CAMK1D: variants seen among roughly 807,000 people sequenced by gnomAD.
CAMK1D encodes calcium/calmodulin dependent protein kinase ID.
A neutral mutation model predicts 47.7 loss-of-function variants in CAMK1D; 9 were observed. That is an observed-to-expected ratio of 0.19 (90% confidence interval 0.11 to 0.33). The LOEUF is 0.33. CAMK1D is among the 10% of genes least tolerant of loss of function. The pLI, the probability that CAMK1D is intolerant of heterozygous loss-of-function variation, is 1.00. For missense variants in CAMK1D, 291 were observed against 488.7 expected (o/e 0.60, Z 3.81); for synonymous variants, 184 against 184.9 (o/e 0.99, Z 0.04).
chr10:12,696,541 A>T (rs1177223233), intron 3 of CAMK1D, among the ~76,000 whole-genome samples: 1 of 149,920 alleles, frequency 6.7e-6, no homozygotes, highest in Non-Finnish European at 1.5e-5. Context: ...CATCTCAAAA[A>T]CAAACAAACA....
chr10:12,549,232 T>A (rs1836501660), intron 1 of CAMK1D, among the ~76,000 whole-genome samples: 1 of 152,208 alleles, frequency 6.6e-6, no homozygotes, highest in Non-Finnish European at 1.5e-5. Flanking sequence ...CTCCCCCTAG[T>A]CCCTAGCAAC....
intron 6 of CAMK1D, among the ~76,000 whole-genome samples, chr10:12,802,514 T>G (rs889858201): frequency 5.3e-5 from 8 of 152,300 alleles, no homozygotes; most frequent in African/African-American, 1.9e-4. Flanking sequence ...ACTTCTGGGC[T>G]GTTCTTCATT....
intron 1 of CAMK1D, among the ~76,000 whole-genome samples, chr10:12,547,274 A>G (rs1836408433): frequency 6.6e-6 from 1 of 152,028 alleles, no homozygotes; most frequent in Non-Finnish European, 1.5e-5. Context: ...CAACTAGGGG[A>G]CCCCTGGGGG....
chr10:12,822,010 A>C (rs923351469), intron 8 of CAMK1D, among the ~76,000 whole-genome samples: 2 of 152,150 alleles, frequency 1.3e-5, no homozygotes, highest in Non-Finnish European at 2.9e-5. Flanking sequence ...GGGAGACATG[A>C]ATGAAATGTG....
At chr10:12,594,010 C>G (rs1838072613) in intron 2 of CAMK1D, among the ~76,000 whole-genome samples, 1 of 152,162 alleles carries the variant, frequency 6.6e-6, no homozygotes, top group Non-Finnish European at 1.5e-5. Flanking sequence ...AACCCCATCT[C>G]TACTAAATAC....
In CAMK1D at chr10:12,832,104, C is replaced by G. The variant is rs1436392018; in HGVS notation, c.*3217C>G. The G allele has an allele frequency of 6.6e-6, 1 of 152,306 alleles. No homozygotes were observed. The highest frequency in any genetic ancestry group is 1.5e-5 in the Non-Finnish European group (1 of 68,108). The allele number at this position is 152,306 out of a possible 1,614,324, so 9.4% of individuals were successfully genotyped here. A position where few individuals can be genotyped will look rare whatever the true frequency, so the allele number is the denominator to read the frequency against. On this transcript the variant is annotated 3_prime_UTR_variant, in exon 11 of 11. Transcript: ENST00000619168. The stretch of plus-strand genomic sequence containing the variant: ...TCCCTTCTCAGAGCAAGTGGATTCT[C>G]TTTTCCTCACTTGGAGTATTCAATG...
intron 1 of CAMK1D, among the ~76,000 whole-genome samples, chr10:12,401,935 A>T (rs112966489): frequency 0.011 from 1,679 of 150,730 alleles, 31 homozygotes; most frequent in African/African-American, 0.038. Context: ...TTGCTCTGTC[A>T]CCCAGGCTGG....
At chr10:12,765,314 TG>T (rs1176722173) in intron 4 of CAMK1D, among the ~76,000 whole-genome samples, 1 of 152,082 alleles carries the variant, frequency 6.6e-6, no homozygotes, top group African/African-American at 2.4e-5. Flanking sequence ...TCAAGACCAT[TG>T]CAATGCCATT....
At chr10:12,656,298 C>A (rs1840113416) in intron 2 of CAMK1D, among the ~76,000 whole-genome samples, 1 of 152,174 alleles carries the variant, frequency 6.6e-6, no homozygotes, top group South Asian at 2.1e-4. Context: ...CAGGACCAGC[C>A]TGGGTAACAT....
chr10:12,628,351 A>C (rs1839284177), intron 2 of CAMK1D, among the ~76,000 whole-genome samples: 1 of 152,190 alleles, frequency 6.6e-6, no homozygotes, highest in South Asian at 2.1e-4. Context: ...TGGTCTTTTA[A>C]ATTTTAGCCA....
At chr10:12,383,428 CAACTCGGGGAAATG>C (rs1838400230) in intron 1 of CAMK1D, among the ~76,000 whole-genome samples, 2 of 152,144 alleles carry the variant, frequency 1.3e-5, no homozygotes, top group Non-Finnish European at 2.9e-5. Flanking sequence ...GAGTGACTTG[CAACTCGGGGAAATG>C]TCAAATTGAC....
intron 2 of CAMK1D, among the ~76,000 whole-genome samples, chr10:12,555,690 A>G (rs1048169873): frequency 6.6e-6 from 1 of 152,216 alleles, no homozygotes; most frequent in African/African-American, 2.4e-5. Flanking sequence ...GACATTGTAG[A>G]TTGAATTCTG....
chr10:12,822,287 C>T (rs1016475992), intron 8 of CAMK1D, among the ~76,000 whole-genome samples: 7 of 152,224 alleles, frequency 4.6e-5, no homozygotes, highest in Non-Finnish European at 7.3e-5. Flanking sequence ...TGTGGCCTGA[C>T]ATGGCTGCAC....
chr10:12,569,558 A>C (rs1837252080), intron 2 of CAMK1D, among the ~76,000 whole-genome samples: 7 of 150,294 alleles, frequency 4.7e-5, no homozygotes, highest in Admixed American at 3.3e-4. Context: ...AAAATACAAA[A>C]AAAAAAAAAA....
chr10:12,703,549 CAT>C (rs758248390), intron 3 of CAMK1D, among the ~76,000 whole-genome samples: 2 of 152,176 alleles, frequency 1.3e-5, no homozygotes, highest in Non-Finnish European at 2.9e-5. Context: ...CAGCACCTTT[CAT>C]ATGTCGCCCA....
At chr10:12,452,695 C>T (rs1262637891) in intron 1 of CAMK1D, among the ~76,000 whole-genome samples, 1 of 151,956 alleles carries the variant, frequency 6.6e-6, no homozygotes, top group Non-Finnish European at 1.5e-5. Flanking sequence ...AAACAATTCT[C>T]CTGCCTCAGC....
chr10:12,542,802 G>T (rs1261940167), intron 1 of CAMK1D, among the ~76,000 whole-genome samples: 2 of 152,190 alleles, frequency 1.3e-5, no homozygotes, highest in African/African-American at 4.8e-5. Flanking sequence ...GAGTGCAGCA[G>T]TGTGAACTCA....
intron 1 of CAMK1D, among the ~76,000 whole-genome samples, chr10:12,519,017 G>A (rs1835300994): frequency 8.6e-6 from 1 of 115,820 alleles, no homozygotes; most frequent in Admixed American, 8.2e-5. Flanking sequence ...CCTCCCAGAC[G>A]GGGTGGTGGC....
At chr10:12,802,027 A>T (rs923503668) in intron 6 of CAMK1D, among the ~76,000 whole-genome samples, 1 of 152,096 alleles carries the variant, frequency 6.6e-6, no homozygotes, top group African/African-American at 2.4e-5. Flanking sequence ...ATTCTCCTTC[A>T]TGGCCTTTTC....
Sources: allele counts gnomAD v4.1 joint callset (sites outside exome capture counted in the v4.1 genomes callset), GRCh38; gene constraint gnomAD v4.1.1; transcripts MANE v1.5; gene names NCBI Gene and HGNC (gene_info 2026-07-23, HGNC 2026-07-21).